KCTD7: variants seen among roughly 807,000 people sequenced by gnomAD.
The protein encoded by KCTD7 is potassium channel tetramerization domain containing 7, also known as BTB/POZ domain-containing protein KCTD7.
Under a neutral mutation model 27.0 loss-of-function variants are expected in KCTD7, and 15 were observed. That is an observed-to-expected ratio of 0.56 (90% CI 0.37 to 0.86). The LOEUF (loss-of-function observed/expected upper bound fraction) is 0.86. KCTD7 is among the 40% of genes least tolerant of loss of function. KCTD7 has a pLI of 0.00. For missense variants in KCTD7, 299 were observed against 398.9 expected, an observed-to-expected ratio of 0.75 and a Z score of 2.13; for synonymous variants, 159 against 162.7, an observed-to-expected ratio of 0.98 and a Z score of 0.17.
At position 66,641,593 on chromosome 7, in the gene KCTD7, T is replaced by C; in HGVS notation, c.*2361T>C. 1 of 985,442 alleles carries C rather than the reference T, an allele frequency of 1.0e-6. No individual in the cohort carries two copies. Among genetic ancestry groups the C allele is most frequent in the Non-Finnish European group, 1.2e-6 (1 of 829,946 alleles). 61.0% of individuals were successfully genotyped at this position (985,442 alleles called of 1,614,324 possible). A position where few individuals can be genotyped will look rare whatever the true frequency, so the allele number is the denominator to read the frequency against. On this transcript the variant is annotated 3_prime_UTR_variant, in exon 4 of 4. Coordinates refer to ENST00000639828, the MANE Select transcript of KCTD7 (RefSeq NM_153033.5). ...CTGGAGAAATCCCTGTTTCTCTGACTCCCTTTGTGATCCTCACAGTAATGT... is the reference window on the plus strand; with the variant it reads ...CTGGAGAAATCCCTGTTTCTCTGACCCCCTTTGTGATCCTCACAGTAATGT...
chr7:66,635,161 C>T (rs1786558067), intron 2 of KCTD7, among the ~76,000 whole-genome samples: 1 of 151,956 alleles, frequency 6.6e-6, no homozygotes, highest in Admixed American at 6.6e-5. Flanking sequence ...TAGAGGTGCA[C>T]ACCACCACGC....
Position 66,642,561 on chromosome 7 carries a change from G to A in KCTD7, c.*3329G>A, listed in dbSNP as rs1231113729. 29 of 985,298 alleles carry A rather than the reference G, an allele frequency of 2.9e-5. No individual in the cohort carries two copies. Among genetic ancestry groups the A allele is most frequent in the Non-Finnish European group, 3.1e-5 (26 of 829,950 alleles). The allele number at this position is 985,298 out of a possible 1,614,324, so 61.0% of individuals were successfully genotyped here. A position where few individuals can be genotyped will look rare whatever the true frequency, so the allele number is the denominator to read the frequency against. ...ACAAAACAAAAACTACTGATGCTGA[G>A]CGTTTTGATCCTAGTAATATTTCAA... is the stretch of plus-strand genomic sequence containing the variant. On this transcript the variant is annotated 3_prime_UTR_variant, in exon 4 of 4. Transcript: ENST00000639828.
Position 66,639,455 on chromosome 7 carries a change from G to T in KCTD7, c.*223G>T. 2.1e-6 allele frequency: 3 copies of T among 1,447,786 alleles called. No homozygotes were observed. The East Asian group carries it at 7.6e-5, about 37-fold the overall frequency. 89.7% of individuals were successfully genotyped at this position (1,447,786 alleles called of 1,614,324 possible). ...GCGGCCTGCAGGCACTCCAGCCAGC[G>T]CTCACCTGGCCTTTCCTCAAGGCAT... On this transcript the variant is annotated 3_prime_UTR_variant, in exon 4 of 4. Coordinates refer to ENST00000639828, the MANE Select transcript of KCTD7 (RefSeq NM_153033.5).
rs181035235 is a variant in KCTD7, at chr7:66,641,940, C to T, written c.*2708C>T. On this transcript the variant is annotated 3_prime_UTR_variant, in exon 4 of 4. Coordinates refer to ENST00000639828, the MANE Select transcript of KCTD7 (RefSeq NM_153033.5). ...AGGCTCCAAAGGATGAAAGCTTCTCCCTGATCATAAGGAAGTGCATCTTTA... is the reference window on the plus strand; with the variant it reads ...AGGCTCCAAAGGATGAAAGCTTCTCTCTGATCATAAGGAAGTGCATCTTTA... The T allele has an allele frequency of 4.6e-5, 45 of 985,366 alleles. 1 individual carries two copies. Among genetic ancestry groups the T allele is most frequent in the Non-Finnish European group, 4.8e-5 (40 of 829,906 alleles). The allele number at this position is 985,366 out of a possible 1,614,324, so 61.0% of individuals were successfully genotyped here. A position where few individuals can be genotyped will look rare whatever the true frequency, so the allele number is the denominator to read the frequency against.
rs1208085362 is a variant in KCTD7 at position 66,638,257 on chromosome 7, G to T, written c.319G>T (p.Val107Leu). The change falls in exon 3 of 4, where the codon GTG becomes TTG. Residue 107 changes from valine to leucine, a missense_variant. Transcript: ENST00000639828. ...CCCTCTTTCCTTCCTGCTTAGAGAT[G>T]TGCTGAATTTCCTGCGCTCAGGGGA... ...IDRDGTHFGD[V>L]LNFLRSGDLP... 1 of 1,614,228 alleles carries T rather than the reference G, an allele frequency of 6.2e-7. No individual in the cohort carries two copies.
chr7:66,643,008 C>T lies in KCTD7; in HGVS notation c.*3776C>T. On this transcript the variant is annotated 3_prime_UTR_variant, in exon 4 of 4. Transcript: ENST00000639828. ...TCTGTGAGTGCTTTGGTGTATTGAG[C>T]CTCAGTACACTCCAAGGGCATTAAA... is the stretch of plus-strand genomic sequence containing the variant. 1.0e-6 allele frequency: 1 copy of T among 985,230 alleles called. No homozygotes were observed. The highest frequency in any genetic ancestry group is 1.2e-6 in the Non-Finnish European group (1 of 829,802). 61.0% of individuals were successfully genotyped at this position (985,230 alleles called of 1,614,324 possible).
At position 66,628,993 on chromosome 7, in the gene KCTD7, C is replaced by T. The variant is rs1010933920; in HGVS notation, c.-72C>T. ...CGGCCGCGTCATGCCAGGCGCTGCT[C>T]GGCGGTAGGGAGTGCCCGGGGCCGC... On this transcript the variant is annotated 5_prime_UTR_variant, in exon 1 of 4. Transcript: ENST00000639828. The T allele has an allele frequency of 2.0e-5, 28 of 1,421,298 alleles. No homozygotes were observed. Among genetic ancestry groups the T allele is most frequent in the Non-Finnish European group, 2.5e-5 (27 of 1,070,310 alleles). The allele number at this position is 1,421,298 out of a possible 1,614,324, so 88.0% of individuals were successfully genotyped here. A position where few individuals can be genotyped will look rare whatever the true frequency, so the allele number is the denominator to read the frequency against.
chr7:66,642,344 T>G lies in KCTD7; in HGVS notation c.*3112T>G. 2 of 985,450 alleles carry G rather than the reference T, an allele frequency of 2.0e-6. No individual in the cohort carries two copies. The highest frequency in any genetic ancestry group is 2.4e-6 in the Non-Finnish European group (2 of 829,936). 61.0% of individuals were successfully genotyped at this position (985,450 alleles called of 1,614,324 possible). A position where few individuals can be genotyped will look rare whatever the true frequency, so the allele number is the denominator to read the frequency against. On this transcript the variant is annotated 3_prime_UTR_variant, in exon 4 of 4. Transcript: ENST00000639828. ...TACTCTGGAAGTTTCTGTTCTTCTT[T>G]CCTGGGGCTTAGGATATTCTGGGAG... is the stretch of plus-strand genomic sequence containing the variant.
At position 66,642,257 on chromosome 7, in the gene KCTD7, A is replaced by T; in HGVS notation, c.*3025A>T. 1 of 985,378 alleles carries T rather than the reference A, an allele frequency of 1.0e-6. No homozygotes were observed. The highest frequency in any genetic ancestry group is 1.2e-6 in the Non-Finnish European group (1 of 829,880). 61.0% of individuals were successfully genotyped at this position (985,378 alleles called of 1,614,324 possible). On this transcript the variant is annotated 3_prime_UTR_variant, in exon 4 of 4. Transcript: ENST00000639828. ...AATGGAAGGAATCATCACCTTCCTT[A>T]TTTTACCTCTGCCTTGTTCACCAGG...
chr7:66,631,612 T>C (rs1786444329), intron 1 of KCTD7, among the ~76,000 whole-genome samples: 1 of 151,124 alleles, frequency 6.6e-6, no homozygotes, highest in Non-Finnish European at 1.5e-5. Context: ...TTTGAATTGA[T>C]CTGGAGGAAG....
rs574847246 is a variant in KCTD7, at chr7:66,638,377, C to T, written c.439C>T (p.Leu147=). 5.6e-6 allele frequency: 9 copies of T among 1,614,238 alleles called. No individual in the cohort carries two copies. In the South Asian group the frequency reaches 9.9e-5, roughly 18 times the overall value. ...GGAGCAGCTGGAGAACATGCAGCCA[C>T]TGAAGGGCGAGAAGGTGCGCCAAGC... ...LLEQLENMQP[L]KGEKVRQAFL... The change falls in exon 3 of 4, where the codon CTG becomes TTG. Residue 147 remains leucine (L), a synonymous_variant. Coordinates refer to ENST00000639828, the MANE Select transcript of KCTD7 (RefSeq NM_153033.5).
rs886062421 is a variant in KCTD7 at position 66,641,042 on chromosome 7, C to T, written c.*1810C>T. 2.1e-5 allele frequency: 21 copies of T among 985,200 alleles called. No individual in the cohort carries two copies. Among genetic ancestry groups the T allele is most frequent in the Admixed American group, 6.2e-5 (1 of 16,250 alleles). 61.0% of individuals were successfully genotyped at this position (985,200 alleles called of 1,614,324 possible). A position where few individuals can be genotyped will look rare whatever the true frequency, so the allele number is the denominator to read the frequency against. On this transcript the variant is annotated 3_prime_UTR_variant, in exon 4 of 4. Transcript: ENST00000639828. ...CTATGTGTAAACAAAGATTCCAGGG[C>T]GTGGTTTTGCACTCCTGTTGTACTC...
At chr7:66,638,073 G>C (rs1786627591) in intron 2 of KCTD7, among the ~76,000 whole-genome samples, 180 bp from the exon 3 acceptor site, 1 of 152,180 alleles carries the variant, frequency 6.6e-6, no homozygotes, top group African/African-American at 2.4e-5. Context: ...AACACATTAT[G>C]AGGTTTTATT....
chr7:66,629,294 G>A, intron 1 of KCTD7, 86 bp downstream of exon 1: 1 of 996,718 alleles, frequency 1.0e-6, no homozygotes, highest in East Asian at 4.0e-5. Context: ...TCGGCGGGTG[G>A]GCGGGGCCGG....
rs1458630475 is a variant in KCTD7 at position 66,641,473 on chromosome 7, T to G, written c.*2241T>G. The G allele has an allele frequency of 1.0e-6, 1 of 985,318 alleles. No individual in the cohort carries two copies. Among genetic ancestry groups the G allele is most frequent in the African/African-American group, 1.7e-5 (1 of 57,246 alleles). The allele number at this position is 985,318 out of a possible 1,614,324, so 61.0% of individuals were successfully genotyped here. A position where few individuals can be genotyped will look rare whatever the true frequency, so the allele number is the denominator to read the frequency against. ...CCATACATGCAAGCCATTGAGAGAC[T>G]TGTTTGCTCAAATGCAAGTTTGCTC... On this transcript the variant is annotated 3_prime_UTR_variant, in exon 4 of 4. Transcript: ENST00000639828.
chr7:66,629,266 C>G, intron 1 of KCTD7, 58 bp downstream of exon 1: 1 of 495,950 alleles, frequency 2.0e-6, no homozygotes, highest in Non-Finnish European at 2.8e-6. Context: ...GAGAAGCGGG[C>G]GCGGGGCATA....
chr7:66,637,453 A>G (rs544511360), intron 2 of KCTD7, among the ~76,000 whole-genome samples: 1 of 152,328 alleles, frequency 6.6e-6, no homozygotes, highest in South Asian at 2.1e-4. Context: ...AAACAACCCA[A>G]ATGTCCATCA....
intron 1 of KCTD7, among the ~76,000 whole-genome samples, chr7:66,630,097 C>A (rs915527705): frequency 2.0e-5 from 3 of 152,062 alleles, no homozygotes; most frequent in Non-Finnish European, 4.4e-5. Context: ...CAGTGAGACC[C>A]TGCCTCTACA....
chr7:66,639,258 T>A lies in KCTD7; in HGVS notation c.*26T>A. 6.2e-7 allele frequency: 1 copy of A among 1,605,064 alleles called. No individual in the cohort carries two copies. The highest frequency in any genetic ancestry group is 8.5e-7 in the Non-Finnish European group (1 of 1,179,974). Reference sequence around the variant, plus strand: ...GTAGCCCCGGTAGGCGAGAGTCCCATCAGGGAGGATGTCCACCTTGCTTGG... The same window carrying A: ...GTAGCCCCGGTAGGCGAGAGTCCCAACAGGGAGGATGTCCACCTTGCTTGG... On this transcript the variant is annotated 3_prime_UTR_variant, in exon 4 of 4. Transcript: ENST00000639828.
Sources: allele counts gnomAD v4.1 joint callset (sites outside exome capture counted in the v4.1 genomes callset), GRCh38; gene constraint gnomAD v4.1.1; transcripts MANE v1.5; gene names NCBI Gene and HGNC (gene_info 2026-07-23, HGNC 2026-07-21).